TEX11: variants seen among roughly 807,000 people sequenced by gnomAD.
TEX11 encodes testis-expressed protein 11.
Under a neutral mutation model 84.4 loss-of-function variants are expected in TEX11, and 7 were observed. That is an observed-to-expected ratio of 0.08 (90% CI 0.05 to 0.16). TEX11 has a LOEUF of 0.16. Among genes scored for constraint, TEX11 ranks in the 10% least tolerant of loss-of-function variants. The pLI, the probability that TEX11 is intolerant of heterozygous loss-of-function variation, is 1.00. For synonymous variants in TEX11, 264 were observed against 222.8 expected (o/e 1.18, Z -1.64); for missense variants, 551 against 660.5 (o/e 0.83, Z 1.82).
At chrX:70,871,948 A>G (rs1333020591) in intron 4 of TEX11, among the ~76,000 whole-genome samples, 1 of 102,857 alleles carries the variant, frequency 9.7e-6, no homozygotes, top group Non-Finnish European at 2.0e-5. Context: ...CCCTAACCCC[A>G]TCAACACTGT....
chrX:70,541,286 A>G (rs931261624), intron 28 of TEX11, among the ~76,000 whole-genome samples: 2 of 111,794 alleles, frequency 1.8e-5, no homozygotes, highest in Non-Finnish European at 3.8e-5. Context: ...AAATGACAAA[A>G]TTATAGAAAT....
intron 15 of TEX11, among the ~76,000 whole-genome samples, chrX:70,673,777 G>T (rs1406110031): frequency 9.0e-6 from 1 of 111,443 alleles, no homozygotes. Context: ...ATTGATCTAT[G>T]GATCTATGTC....
chrX:70,566,855 C>A (rs9698316), intron 25 of TEX11, among the ~76,000 whole-genome samples: 12,570 of 111,279 alleles, frequency 0.11, 604 homozygotes, highest in Middle Eastern at 0.2. Flanking sequence ...GGATATTGGT[C>A]TAAAATTCTC....
At chrX:70,605,926 C>A (rs2089190426) in intron 23 of TEX11, among the ~76,000 whole-genome samples, 1 of 111,697 alleles carries the variant, frequency 9.0e-6, no homozygotes, top group Admixed American at 9.5e-5. Context: ...TTGAAAGAGG[C>A]ATTGTCAAAT....
At chrX:70,811,540 C>A (rs2091254455) in intron 8 of TEX11, among the ~76,000 whole-genome samples, 1 of 111,576 alleles carries the variant, frequency 9.0e-6, no homozygotes, top group African/African-American at 3.3e-5. Context: ...GGTATATACC[C>A]AGTAATGGGA....
intron 9 of TEX11, among the ~76,000 whole-genome samples, chrX:70,778,643 GTT>G (rs375820134): frequency 0.032 from 3,544 of 109,492 alleles, 159 homozygotes; most frequent in African/African-American, 0.11. Context: ...TTGTTTGTTT[GTT>G]TTTGTTTTTT....
At chrX:70,565,052 C>T (rs1288598043) in intron 25 of TEX11, among the ~76,000 whole-genome samples, 1 of 106,256 alleles carries the variant, frequency 9.4e-6, no homozygotes, top group African/African-American at 3.4e-5. Flanking sequence ...TTCTCCACAT[C>T]CTCTCCAGCA....
intron 4 of TEX11, among the ~76,000 whole-genome samples, chrX:70,862,346 G>A (rs765214908): frequency 4.5e-5 from 5 of 111,560 alleles, no homozygotes; most frequent in Non-Finnish European, 7.5e-5. Flanking sequence ...ACAAATAAAT[G>A]AACTAGTCAC....
chrX:70,649,393 T>C (rs2089785640), intron 17 of TEX11, among the ~76,000 whole-genome samples: 1 of 112,046 alleles, frequency 8.9e-6, no homozygotes, highest in East Asian at 2.8e-4. Context: ...TTTCTTGACT[T>C]TTTAATAATC....
At chrX:70,699,812 A>G (rs1023428081) in intron 13 of TEX11, among the ~76,000 whole-genome samples, 2 of 111,194 alleles carry the variant, frequency 1.8e-5, no homozygotes, top group African/African-American at 6.5e-5. Flanking sequence ...TTGGTTTACA[A>G]AAGGCCTTTC....
At chrX:70,770,196 A>G (rs1041769702) in intron 9 of TEX11, among the ~76,000 whole-genome samples, 11 of 111,750 alleles carry the variant, frequency 9.8e-5, no homozygotes, top group Non-Finnish European at 2.1e-4. Context: ...GTACATTAAA[A>G]CTGGTACAAA....
chrX:70,840,772 G>A (rs1035893346), intron 7 of TEX11, among the ~76,000 whole-genome samples: 50 of 111,636 alleles, frequency 4.5e-4, no homozygotes, highest in African/African-American at 1.6e-3. Context: ...TCAAAATAAA[G>A]GGATGGAGGA....
chrX:70,694,018 C>G (rs1182288554), intron 13 of TEX11, among the ~76,000 whole-genome samples: 1 of 111,224 alleles, frequency 9.0e-6, no homozygotes, highest in Non-Finnish European at 1.9e-5. Context: ...AAAAAAAACC[C>G]CAAATATTGA....
chrX:70,808,107 C>CAAAAA (rs549201546), intron 8 of TEX11, among the ~76,000 whole-genome samples: 13 of 32,608 alleles, frequency 4.0e-4, no homozygotes, highest in African/African-American at 7.2e-4. Context: ...GACTCTGTCT[C>CAAAAA]AAAAAAAAAA....
intron 25 of TEX11, among the ~76,000 whole-genome samples, chrX:70,588,029 A>T (rs12009254): frequency 0.12 from 13,019 of 111,876 alleles, 637 homozygotes; most frequent in Middle Eastern, 0.19. Flanking sequence ...TCCCATTTGG[A>T]ATGGGTGTAT....
At chrX:70,607,621 T>C (rs1278288173) in intron 22 of TEX11, among the ~76,000 whole-genome samples, 5 of 110,198 alleles carry the variant, frequency 4.5e-5, no homozygotes, top group African/African-American at 9.9e-5. Flanking sequence ...TATCTAAAAA[T>C]GAAGATCAAC....
chrX:70,715,320 C>A (rs1465329025), intron 13 of TEX11, among the ~76,000 whole-genome samples: 1 of 111,245 alleles, frequency 9.0e-6, no homozygotes, highest in Non-Finnish European at 1.9e-5. Flanking sequence ...TCTGTATTTC[C>A]TGAATCTGAA....
At chrX:70,725,195 G>T in intron 12 of TEX11, 67 bp downstream of exon 12, 1 of 752,540 alleles carries the variant, frequency 1.3e-6, no homozygotes, top group Non-Finnish European at 1.9e-6. Flanking sequence ...TACTACAAAA[G>T]ATCTTATATT....
intron 7 of TEX11, among the ~76,000 whole-genome samples, chrX:70,839,644 G>A (rs2091429521): frequency 1.8e-5 from 2 of 112,172 alleles, no homozygotes; most frequent in African/African-American, 6.5e-5. Flanking sequence ...GACGAAGAAT[G>A]ACTTTGACGA....
Sources: allele counts gnomAD v4.1 joint callset (sites outside exome capture counted in the v4.1 genomes callset), GRCh38; gene constraint gnomAD v4.1.1; transcripts MANE v1.5; gene names NCBI Gene and HGNC (gene_info 2026-07-23, HGNC 2026-07-21).